The following GPHN variants were observed in gnomAD, a reference collection of about 807,000 sequenced individuals.
GPHN encodes the protein gephyrin.
Under a neutral mutation model 95.5 loss-of-function variants are expected in GPHN, and 17 were observed. The observed-to-expected ratio is 0.18, with a 90% CI of 0.12 to 0.27. The LOEUF is 0.27. Among genes scored for constraint, GPHN ranks in the 10% least tolerant of loss-of-function variants. The pLI is 1.00. For synonymous variants in GPHN, 320 were observed against 322.5 expected (o/e 0.99, Z 0.08); for missense variants, 660 against 978.1 (o/e 0.67, Z 4.34).
At chr14:67,130,454 C>A (rs996194889) in intron 17 of GPHN, among the ~76,000 whole-genome samples, 3 of 152,138 alleles carry the variant, frequency 2.0e-5, no homozygotes, top group Non-Finnish European at 4.4e-5. Flanking sequence ...TGATTTCATT[C>A]TTTTCTATAG....
intron 1 of GPHN, among the ~76,000 whole-genome samples, chr14:66,643,545 T>A (rs2064559682): frequency 6.6e-6 from 1 of 152,094 alleles, no homozygotes; most frequent in Admixed American, 6.6e-5. Context: ...TACTGTACAA[T>A]GAGAATGAAC....
At chr14:67,069,953 C>T (rs1008726968) in intron 11 of GPHN, among the ~76,000 whole-genome samples, 3 of 152,206 alleles carry the variant, frequency 2.0e-5, no homozygotes, top group Non-Finnish European at 4.4e-5. Context: ...ATCCAAATCA[C>T]TGCCTTAAGT....
At chr14:67,629,988 C>T in the GPHN span, among the ~76,000 whole-genome samples, 1 of 152,304 alleles carries the variant, frequency 6.6e-6, no homozygotes, top group South Asian at 2.1e-4. Flanking sequence ...ATGATCTTCA[C>T]CTCCAGCTTC....
intron 3 of GPHN, among the ~76,000 whole-genome samples, chr14:66,780,949 A>G (rs1465327978): frequency 6.6e-6 from 1 of 152,236 alleles, no homozygotes; most frequent in African/African-American, 2.4e-5. Context: ...CCATGTATAA[A>G]TAAATATGCA....
At chr14:67,356,434 CA>C in the GPHN span, among the ~76,000 whole-genome samples, 42,299 of 129,574 alleles carry the variant, frequency 0.33, 9,458 homozygotes, top group African/African-American at 0.63. Flanking sequence ...AAAACAAAAA[CA>C]AAAAAAAAAA....
chr14:67,672,447 C>CTTTTTTTT, the GPHN span, among the ~76,000 whole-genome samples: 1 of 116,846 alleles, frequency 8.6e-6, no homozygotes, highest in African/African-American at 3.5e-5. Flanking sequence ...CTTTTCTTTT[C>CTTTTTTTT]TTTTTTTTTT....
chr14:67,610,529 C>T, the GPHN span, among the ~76,000 whole-genome samples: 2 of 152,266 alleles, frequency 1.3e-5, no homozygotes, highest in East Asian at 3.9e-4. Flanking sequence ...AAGTTGCTTA[C>T]TGCCCCAAAG....
At chr14:66,963,614 G>A (rs868820048) in intron 8 of GPHN, among the ~76,000 whole-genome samples, 4 of 151,970 alleles carry the variant, frequency 2.6e-5, no homozygotes, top group South Asian at 4.1e-4. Flanking sequence ...TTGGATAAGT[G>A]GCAACAAATA....
chr14:67,358,682 C>A, the GPHN span, among the ~76,000 whole-genome samples: 1 of 152,016 alleles, frequency 6.6e-6, no homozygotes, highest in Non-Finnish European at 1.5e-5. Flanking sequence ...CCTGGGAGAC[C>A]CTGTCTCTTA....
chr14:66,983,588 T>C (rs555989059), intron 9 of GPHN, among the ~76,000 whole-genome samples: 1 of 152,332 alleles, frequency 6.6e-6, no homozygotes. Flanking sequence ...TTTCCTCTTA[T>C]GATGGTTTCA....
the GPHN span, among the ~76,000 whole-genome samples, chr14:67,608,602 A>C: frequency 6.6e-6 from 1 of 152,204 alleles, no homozygotes; most frequent in African/African-American, 2.4e-5. Flanking sequence ...TTTGATGCCG[A>C]ATGAATCTGA....
At chr14:66,578,998 G>C (rs1268261057) in intron 1 of GPHN, among the ~76,000 whole-genome samples, 1 of 151,724 alleles carries the variant, frequency 6.6e-6, no homozygotes, top group Non-Finnish European at 1.5e-5. Flanking sequence ...ATATAAAGTA[G>C]TTAAAATAGG....
chr14:66,727,132 G>A (rs758641262), intron 2 of GPHN, among the ~76,000 whole-genome samples: 11 of 152,100 alleles, frequency 7.2e-5, no homozygotes, highest in East Asian at 3.9e-4. Context: ...TTTTTAAAAC[G>A]GGAATTTCCC....
At chr14:67,439,588 T>TCTTTCTTTC in the GPHN span, among the ~76,000 whole-genome samples, 1 of 139,958 alleles carries the variant, frequency 7.1e-6, no homozygotes, top group Non-Finnish European at 1.5e-5. Flanking sequence ...TTTCTTTCTT[T>TCTTTCTTTC]CTTTCTTCTT....
At chr14:66,974,519 T>C (rs920072472) in intron 9 of GPHN, among the ~76,000 whole-genome samples, 2 of 152,098 alleles carry the variant, frequency 1.3e-5, no homozygotes, top group Non-Finnish European at 2.9e-5. Flanking sequence ...AAGTCTAAAC[T>C]TGCAAATGAA....
intron 3 of GPHN, among the ~76,000 whole-genome samples, chr14:66,813,033 T>C (rs1053683060): frequency 6.6e-6 from 1 of 152,230 alleles, no homozygotes; most frequent in Admixed American, 6.5e-5. Context: ...TTAAGAGTTC[T>C]ATAAACTACC....
At chr14:67,593,611 C>A in the GPHN span, 7 of 607,364 alleles carry the variant, frequency 1.2e-5, no homozygotes, top group African/African-American at 1.3e-4. Context: ...TGCTGCATCT[C>A]TTTAAAAATA....
At chr14:66,614,178 A>G (rs1028505383) in intron 1 of GPHN, among the ~76,000 whole-genome samples, 2 of 152,186 alleles carry the variant, frequency 1.3e-5, no homozygotes, top group African/African-American at 4.8e-5. Flanking sequence ...AAATAACATA[A>G]CAGTAAAATA....
rs553229225 is a variant in GPHN at position 66,830,388 on chromosome 14, T to C, written c.294+5822T>C. ...AAAATATCCCTTATTCTAAATAATA[T>C]ATAGAATTCTGCACTTTAAAAATTA... On this transcript the variant is annotated intron_variant, in intron 4 of 22. Coordinates refer to ENST00000478722, the MANE Select transcript of GPHN (RefSeq NM_020806.5). Among the ~76,000 whole-genome samples the C allele has an allele frequency of 1.4e-3, 220 of 152,236 alleles. 4 individuals carry two copies. The highest frequency in any genetic ancestry group is 2.5e-3 in the Non-Finnish European group (172 of 67,992).
Sources: allele counts gnomAD v4.1 joint callset (sites outside exome capture counted in the v4.1 genomes callset), GRCh38; gene constraint gnomAD v4.1.1; transcripts MANE v1.5; gene names NCBI Gene and HGNC (gene_info 2026-07-23, HGNC 2026-07-21).